MYT1L: variants seen among roughly 807,000 people sequenced by gnomAD.
MYT1L encodes myelin transcription factor 1 like.
Under a neutral mutation model 126.7 loss-of-function variants are expected in MYT1L, and 12 were observed. The ratio of observed to expected loss-of-function variants is 0.09; its 90% CI spans 0.06 to 0.15. The LOEUF is 0.15. Among genes scored for constraint, MYT1L ranks in the 10% least tolerant of loss-of-function variants. The pLI, the probability that MYT1L is intolerant of heterozygous loss-of-function variation, is 1.00. For missense variants in MYT1L, 979 were observed against 1,585.2 expected (o/e 0.62, Z 6.49); for synonymous variants, 541 against 604.2 (o/e 0.90, Z 1.53).
At chr2:2,286,614 TA>T (rs2095524600) in intron 1 of MYT1L, among the ~76,000 whole-genome samples, 1 of 152,246 alleles carries the variant, frequency 6.6e-6, no homozygotes, top group Non-Finnish European at 1.5e-5. Flanking sequence ...CTACTCGGGT[TA>T]AAGTGTACTT....
chr2:2,039,036 G>C (rs1317401940), intron 4 of MYT1L, among the ~76,000 whole-genome samples: 1 of 152,172 alleles, frequency 6.6e-6, no homozygotes, highest in Non-Finnish European at 1.5e-5. Flanking sequence ...CTAGCTCCTT[G>C]TGTTATGTGG....
intron 3 of MYT1L, among the ~76,000 whole-genome samples, chr2:2,100,094 C>T (rs996753347): frequency 6.6e-6 from 1 of 152,130 alleles, no homozygotes; most frequent in Non-Finnish European, 1.5e-5. Context: ...GTATATTAAA[C>T]TTAAGTCAAC....
At chr2:2,098,200 G>A (rs950784467) in intron 3 of MYT1L, among the ~76,000 whole-genome samples, 2 of 151,080 alleles carry the variant, frequency 1.3e-5, no homozygotes, top group Admixed American at 1.3e-4. Context: ...AGATCATACT[G>A]CAGCACATTA....
chr2:2,309,802 C>T (rs1420070517), intron 1 of MYT1L, among the ~76,000 whole-genome samples: 1 of 151,888 alleles, frequency 6.6e-6, no homozygotes, highest in East Asian at 1.9e-4. Flanking sequence ...CCTATCTATG[C>T]TCCACTTGCA....
chr2:2,184,184 T>C (rs2091878610), intron 2 of MYT1L, among the ~76,000 whole-genome samples: 1 of 152,206 alleles, frequency 6.6e-6, no homozygotes, highest in South Asian at 2.1e-4. Context: ...AAAACACAGC[T>C]GATATCTACC....
Position 1,934,643 on chromosome 2 carries a change from C to T in MYT1L, c.505+8339G>A, listed in dbSNP as rs530756128. Among the ~76,000 whole-genome samples, 55 of 151,612 alleles carry T rather than the reference C, an allele frequency of 3.6e-4. No individual in the cohort carries two copies. In the South Asian group the frequency reaches 0.011, roughly 29 times the overall value. ...ATAGAGACAGACTGAAACATTCGAA[C>T]GAATTACACCACTGTCTCTGTCTCT... is the stretch of plus-strand genomic sequence containing the variant. On this transcript the variant is annotated intron_variant, in intron 9 of 24. Transcript: ENST00000647738.
intron 3 of MYT1L, among the ~76,000 whole-genome samples, chr2:2,138,147 T>C (rs1200773752): frequency 6.6e-6 from 1 of 152,034 alleles, no homozygotes; most frequent in East Asian, 1.9e-4. Context: ...GAGATAGATA[T>C]CATCTCACAC....
At chr2:2,192,417 AT>A (rs33963632) in intron 2 of MYT1L, among the ~76,000 whole-genome samples, 90,673 of 144,832 alleles carry the variant, frequency 0.63, 28,304 homozygotes, top group East Asian at 0.76. Context: ...TGTTAGTTTC[AT>A]TTTTTTTTTT....
intron 4 of MYT1L, among the ~76,000 whole-genome samples, chr2:2,032,105 A>G (rs2066374869): frequency 1.5e-5 from 2 of 129,088 alleles, no homozygotes; most frequent in African/African-American, 3.2e-5. Context: ...ACCCCTCGCC[A>G]GTGCCTCTCA....
At chr2:2,044,391 G>A (rs2067912927) in intron 4 of MYT1L, among the ~76,000 whole-genome samples, 1 of 152,144 alleles carries the variant, frequency 6.6e-6, no homozygotes, top group Admixed American at 6.5e-5. Context: ...ATGCAGATAT[G>A]GTGTGCCCAT....
Position 1,889,471 on chromosome 2 carries a change from C to G in MYT1L, c.2290G>C (p.Asp764His), listed in dbSNP as rs370958827. ...PQDLCATRNP[D>H]MEVDENGTLD... Reference sequence around the variant, plus strand: ...GTCCCGTTCTCATCCACCTCCATGTCAGGGTTCTGTCGGTAGAAAGACATA... The same window carrying G: ...GTCCCGTTCTCATCCACCTCCATGTGAGGGTTCTGTCGGTAGAAAGACATA... Residue 764 changes from aspartate to histidine, a missense_variant, in exon 16 of 25, where the codon GAC (aspartate) becomes CAC (histidine). Physicochemically the swap from Asp to His is moderately conservative, Grantham distance 81 (BLOSUM62 -1). Transcript: ENST00000647738. The surrounding 1 kb of genome is among the most constrained non-coding windows in gnomAD (Gnocchi z 4.1). The G allele has an allele frequency of 6.9e-6, 11 of 1,597,286 alleles. No homozygotes were observed. The African/African-American group carries it at 1.2e-4, about 18-fold the overall frequency.
rs371621763 is a variant in MYT1L, at chr2:2,004,752, G to A, written c.-157-7405C>T. Among the ~76,000 whole-genome samples the A allele has an allele frequency of 1.0e-3, 146 of 141,098 alleles. 2 individuals carry two copies. The highest frequency in any genetic ancestry group is 0.01 in the East Asian group (47 of 4,700). The allele number at this position is 141,098 out of a possible 152,430, so 92.6% of individuals were successfully genotyped here. Reference sequence around the variant, plus strand: ...CCTGCGTGCCTTCTTTCCTGCAGGCGTTCTTTCCTGAATACGTTCTTTCCT... The same window carrying A: ...CCTGCGTGCCTTCTTTCCTGCAGGCATTCTTTCCTGAATACGTTCTTTCCT... On this transcript the variant is annotated intron_variant, in intron 4 of 24. Coordinates refer to ENST00000647738, the MANE Select transcript of MYT1L (RefSeq NM_001303052.2).
At chr2:1,810,623 T>C (rs2036463925) in intron 21 of MYT1L, among the ~76,000 whole-genome samples, 1 of 152,226 alleles carries the variant, frequency 6.6e-6, no homozygotes, top group Non-Finnish European at 1.5e-5. Context: ...GAAATATCTC[T>C]AATATCTGCA....
At chr2:2,032,360 C>T (rs1247871788) in intron 4 of MYT1L, among the ~76,000 whole-genome samples, 4 of 100,668 alleles carry the variant, frequency 4.0e-5, no homozygotes, top group Admixed American at 9.0e-5. Flanking sequence ...ACACACCCGT[C>T]GCCAGTGCCT....
intron 2 of MYT1L, among the ~76,000 whole-genome samples, chr2:2,226,339 A>AG (rs139388628): frequency 0.043 from 6,610 of 152,222 alleles, 452 homozygotes; most frequent in African/African-American, 0.15. Context: ...TTGTTCTATA[A>AG]TAAAACAGGT....
intron 14 of MYT1L, among the ~76,000 whole-genome samples, chr2:1,896,503 C>T (rs2049590922): frequency 6.6e-6 from 1 of 152,126 alleles, no homozygotes; most frequent in Admixed American, 6.5e-5. Context: ...ACTATGCAGC[C>T]ATAAAAACAA....
rs141300955 is a variant in MYT1L at position 1,890,988 on chromosome 2, A to T, written c.2283+1049T>A. On this transcript the variant is annotated intron_variant, in intron 15 of 24. Transcript: ENST00000647738. ...TTAAGAAAGTGCAACAAAATTTGGA[A>T]GGGGTCTCTGCCTTTTATTTTATTT... 3.0e-3 allele frequency among the ~76,000 whole-genome samples: 452 copies of T among 151,976 alleles called. 2 individuals carry two copies. The highest frequency in any genetic ancestry group is 0.01 in the Middle Eastern group (3 of 294).
intron 19 of MYT1L, chr2:1,842,913 GCGCTTC>G (rs2041975074): frequency 1.1e-5 from 2 of 177,210 alleles, no homozygotes; most frequent in African/African-American, 2.4e-5. Context: ...CCGCTTCCAG[GCGCTTC>G]CGCTTCCAGG....
chr2:2,257,264 T>G (rs890854017), intron 2 of MYT1L, among the ~76,000 whole-genome samples: 1 of 152,188 alleles, frequency 6.6e-6, no homozygotes, highest in Non-Finnish European at 1.5e-5. Flanking sequence ...ACACAGCCCC[T>G]GCAATTTGCT....
Sources: gnomAD v4.1 joint callset for allele counts (sites outside exome capture counted in the v4.1 genomes callset) on GRCh38, gnomAD v4.1.1 for gene constraint, Gnocchi (gnomAD v3.1) non-coding constraint, MANE v1.5 for transcripts, NCBI Gene and HGNC (gene_info 2026-07-23, HGNC 2026-07-21) for gene names.